The following SSBP2 variants were observed in gnomAD, a reference collection of about 807,000 sequenced individuals.
SSBP2 encodes single-stranded DNA-binding protein 2.
A neutral mutation model predicts 61.8 loss-of-function variants in SSBP2; 17 were observed. The observed-to-expected ratio is 0.28, with a 90% CI of 0.19 to 0.41. SSBP2 has a LOEUF of 0.41. Among genes scored for constraint, SSBP2 ranks in the 10% least tolerant of loss-of-function variants. SSBP2 has a pLI of 1.00. For missense variants in SSBP2, 310 were observed against 458.7 expected (o/e 0.68, Z 2.96); for synonymous variants, 139 against 141.3 (o/e 0.98, Z 0.12).
chr5:81,629,183 C>T (rs952370441), intron 3 of SSBP2, among the ~76,000 whole-genome samples: 3 of 152,130 alleles, frequency 2.0e-5, no homozygotes, highest in African/African-American at 7.2e-5. Flanking sequence ...TGGGGTTTCA[C>T]CATGTTGCCC....
At chr5:81,650,583 A>AT (rs1250525721) in intron 1 of SSBP2, among the ~76,000 whole-genome samples, 1 of 152,042 alleles carries the variant, frequency 6.6e-6, no homozygotes, top group South Asian at 2.1e-4. Context: ...ATATATAGAG[A>AT]TTTTTTCTTG....
Position 81,461,064 on chromosome 5 carries a change from A to G in SSBP2, c.678T>C (p.Asn226=), listed in dbSNP as rs1319238192. 6.4e-7 allele frequency: 1 copy of G among 1,571,684 alleles called. No homozygotes were observed. Among genetic ancestry groups the G allele is most frequent in the South Asian group, 1.2e-5 (1 of 83,032 alleles). Reference sequence around the variant, plus strand: ...ATATATATATACTCACTGAATTGGCATTTGTTGGGTTTGGCCAAGGTCTAC... The same window carrying G: ...ATATATATATACTCACTGAATTGGCGTTTGTTGGGTTTGGCCAAGGTCTAC... Residue 226 remains asparagine (N), a synonymous_variant, in exon 10 of 17, where the codon AAT becomes AAC. Coordinates refer to ENST00000320672, the MANE Select transcript of SSBP2 (RefSeq NM_012446.5).
intron 1 of SSBP2, among the ~76,000 whole-genome samples, chr5:81,664,988 A>C (rs1011159340): frequency 5.9e-5 from 9 of 152,168 alleles, no homozygotes; most frequent in African/African-American, 2.2e-4. Flanking sequence ...TTTGATGCCA[A>C]GTAGCTTGAT....
At chr5:81,425,541 T>C (rs1761899946) in intron 16 of SSBP2, among the ~76,000 whole-genome samples, 1 of 152,156 alleles carries the variant, frequency 6.6e-6, no homozygotes, top group Admixed American at 6.5e-5. Flanking sequence ...GGGAAAATAT[T>C]TTGCTAAATT....
chr5:81,494,167 C>T (rs1384182243), intron 5 of SSBP2, among the ~76,000 whole-genome samples: 2 of 152,154 alleles, frequency 1.3e-5, no homozygotes, highest in Non-Finnish European at 2.9e-5. Flanking sequence ...CCTCAAAAGT[C>T]ATATTACATC....
chr5:81,734,898 G>T (rs967485129), intron 1 of SSBP2, among the ~76,000 whole-genome samples: 1 of 150,656 alleles, frequency 6.6e-6, no homozygotes, highest in Non-Finnish European at 1.5e-5. Flanking sequence ...GTGAACCCGG[G>T]AGGAGGAGCT....
chr5:81,528,759 T>C (rs544183910), intron 4 of SSBP2, among the ~76,000 whole-genome samples: 1 of 152,044 alleles, frequency 6.6e-6, no homozygotes, highest in East Asian at 1.9e-4. Context: ...GCAAAAGGCA[T>C]TAGTAGATAC....
chr5:81,669,271 T>G (rs909988192), intron 1 of SSBP2, among the ~76,000 whole-genome samples: 1 of 152,194 alleles, frequency 6.6e-6, no homozygotes, highest in Non-Finnish European at 1.5e-5. Flanking sequence ...GAAGACAGTT[T>G]GGCAATTTCT....
At chr5:81,603,587 T>C (rs944971566) in intron 4 of SSBP2, among the ~76,000 whole-genome samples, 2 of 152,162 alleles carry the variant, frequency 1.3e-5, no homozygotes, top group Non-Finnish European at 2.9e-5. Flanking sequence ...AAAGTCACAA[T>C]GCATATGAAA....
chr5:81,708,383 TTC>T (rs1235922438), intron 1 of SSBP2, among the ~76,000 whole-genome samples: 1 of 152,158 alleles, frequency 6.6e-6, no homozygotes, highest in Non-Finnish European at 1.5e-5. Context: ...AATGTTTAAG[TTC>T]TCTGGAATTG....
At chr5:81,464,457 C>T (rs1764758800) in intron 9 of SSBP2, among the ~76,000 whole-genome samples, 1 of 152,052 alleles carries the variant, frequency 6.6e-6, no homozygotes, top group Non-Finnish European at 1.5e-5. Context: ...TTTTCAGTGA[C>T]ACAATATAAT....
chr5:81,454,003 T>G (rs1450017061), intron 10 of SSBP2, among the ~76,000 whole-genome samples: 1 of 152,208 alleles, frequency 6.6e-6, no homozygotes, highest in East Asian at 1.9e-4. Flanking sequence ...AATAGGACTT[T>G]CATGGGAACT....
intron 4 of SSBP2, among the ~76,000 whole-genome samples, chr5:81,527,290 G>C (rs1438487962): frequency 2.0e-5 from 3 of 152,036 alleles, no homozygotes; most frequent in African/African-American, 7.2e-5. Flanking sequence ...ATGCCTTCTG[G>C]AACAGCACAA....
chr5:81,584,116 T>TA (rs367557559), intron 4 of SSBP2, among the ~76,000 whole-genome samples: 229 of 152,312 alleles, frequency 1.5e-3, no homozygotes, highest in African/African-American at 5.3e-3. Flanking sequence ...ATTAGCCAGT[T>TA]ATAGAGCTAT....
At chr5:81,571,964 C>T (rs1413336247) in intron 4 of SSBP2, among the ~76,000 whole-genome samples, 1 of 152,106 alleles carries the variant, frequency 6.6e-6, no homozygotes, top group Non-Finnish European at 1.5e-5. Flanking sequence ...AACTCTTCTA[C>T]CTCAGTGAAA....
chr5:81,650,407 C>G, intron 1 of SSBP2, 68 bp from the exon 2 acceptor site: 1 of 1,091,820 alleles, frequency 9.2e-7, no homozygotes, highest in Non-Finnish European at 1.3e-6. Context: ...TAATGCACAT[C>G]TTTCCATTGC....
chr5:81,477,045 T>A (rs543859000), intron 6 of SSBP2, among the ~76,000 whole-genome samples: 48 of 152,082 alleles, frequency 3.2e-4, no homozygotes, highest in African/African-American at 1.1e-3. Context: ...CATACCCACA[T>A]CCATTTTTGA....
rs528424780 is a variant in SSBP2, at chr5:81,685,008, T to C, written c.63-34669A>G. On this transcript the variant is annotated intron_variant, in intron 1 of 16. Transcript: ENST00000320672. ...AGTGATTGGATCATGGGGCTGGATT[T>C]CCCCCTTGTTCTTCTTGTGATAGTG... Among the ~76,000 whole-genome samples the C allele has an allele frequency of 7.4e-4, 113 of 152,066 alleles. 1 individual carries two copies. The highest frequency in any genetic ancestry group is 2.7e-3 in the African/African-American group (111 of 41,478).
At chr5:81,614,796 A>G (rs1412926304) in intron 4 of SSBP2, among the ~76,000 whole-genome samples, 3 of 151,980 alleles carry the variant, frequency 2.0e-5, no homozygotes, top group African/African-American at 4.8e-5. Flanking sequence ...TCTCATTCTT[A>G]TCTTCACTGT....
Sources: allele counts gnomAD v4.1 joint callset (sites outside exome capture counted in the v4.1 genomes callset), GRCh38; gene constraint gnomAD v4.1.1; transcripts MANE v1.5; gene names NCBI Gene and HGNC (gene_info 2026-07-23, HGNC 2026-07-21).